DNAH12: variants seen among roughly 807,000 people sequenced by gnomAD.
DNAH12 encodes the protein axonemal beta dynein heavy chain 12.
In DNAH12, 285 loss-of-function variants were observed where a neutral mutation model predicts 371.5. The ratio of observed to expected loss-of-function variants is 0.77; its 90% CI spans 0.70 to 0.85. The LOEUF (loss-of-function observed/expected upper bound fraction) is 0.85. Ranked by LOEUF, DNAH12 falls within the 40% of genes least tolerant of loss-of-function variation. DNAH12 has a pLI of 0.00. For synonymous variants in DNAH12, 1,200 were observed against 1,213.0 expected (o/e 0.99, Z 0.22); for missense variants, 3,611 against 3,689.4 (o/e 0.98, Z 0.55).
chr3:57,461,982 C>T (rs1248781799), intron 18 of DNAH12, among the ~76,000 whole-genome samples: 1 of 152,122 alleles, frequency 6.6e-6, no homozygotes, highest in Non-Finnish European at 1.5e-5. Context: ...CTGAAGTGGC[C>T]TTTCTATGGC....
chr3:57,309,620 C>A, intron 68 of DNAH12, 46 bp downstream of exon 68: 3 of 1,383,200 alleles, frequency 2.2e-6, no homozygotes, highest in Non-Finnish European at 2.8e-6. Flanking sequence ...ATTTCAGTAT[C>A]ATTTTTATTT....
At chr3:57,392,431 A>T (rs1193248668) in intron 44 of DNAH12, among the ~76,000 whole-genome samples, 1 of 152,184 alleles carries the variant, frequency 6.6e-6, no homozygotes, top group Admixed American at 6.5e-5. Context: ...TTAGCATTTT[A>T]TACAACAGTT....
chr3:57,389,842 T>TATATATATATATATAAA (rs2063578029), intron 45 of DNAH12, among the ~76,000 whole-genome samples: 3 of 70,548 alleles, frequency 4.3e-5, no homozygotes, highest in Non-Finnish European at 1.1e-4. Context: ...ATATATATAA[T>TATATATATATATATAAA]ACTTTTTTTT....
At chr3:57,322,873 T>C in intron 64 of DNAH12, 134 bp downstream of exon 64, 1 of 1,289,190 alleles carries the variant, frequency 7.8e-7, no homozygotes, top group Non-Finnish European at 1.0e-6. Flanking sequence ...AAGTTTGCGG[T>C]GAGCCGAAAT....
Position 57,405,869 on chromosome 3 carries a change from G to T in DNAH12, c.6360C>A (p.Val2120=). Residue 2120 remains valine, a synonymous_variant, in exon 41 of 74, where the codon GTC becomes GTA. Coordinates refer to ENST00000495027, the MANE Select transcript of DNAH12 (RefSeq NM_001366028.2). ...TTTCAATGAGTAAACAGCCCCGGATGACGCGTGAAAAATCACGCAAGTTGA... is the reference window on the plus strand; with the variant it reads ...TTTCAATGAGTAAACAGCCCCGGATTACGCGTGAAAAATCACGCAAGTTGA... ...YTFNLRDFSR[V]IRGCLLIERD... 6.4e-7 allele frequency: 1 copy of T among 1,551,412 alleles called. No homozygotes were observed. Among genetic ancestry groups the T allele is most frequent in the Non-Finnish European group, 8.7e-7 (1 of 1,146,744 alleles).
At chr3:57,446,924 C>T (rs189326733) in intron 25 of DNAH12, among the ~76,000 whole-genome samples, 1 of 152,238 alleles carries the variant, frequency 6.6e-6, no homozygotes, top group Admixed American at 6.5e-5. Context: ...ATAGGTATCC[C>T]ATTTGTTTTT....
intron 62 of DNAH12, among the ~76,000 whole-genome samples, chr3:57,324,788 G>A (rs541188451): frequency 5.9e-5 from 9 of 152,366 alleles, no homozygotes; most frequent in African/African-American, 1.4e-4. Flanking sequence ...CTCGGGAAGC[G>A]CAAGGGGTCA....
In DNAH12 at chr3:57,327,065, C is replaced by T. The variant is rs542488058; in HGVS notation, c.9979-3446G>A. Reference sequence around the variant, plus strand: ...GAGCACCCAGATTCATAAAGCAAGTCCTGAGTGACCTACAAAGAGACTTAG... The same window carrying T: ...GAGCACCCAGATTCATAAAGCAAGTTCTGAGTGACCTACAAAGAGACTTAG... On this transcript the variant is annotated intron_variant, in intron 62 of 73. Coordinates refer to ENST00000495027, the MANE Select transcript of DNAH12 (RefSeq NM_001366028.2). Among the ~76,000 whole-genome samples, 194 of 151,316 alleles carry T rather than the reference C, an allele frequency of 1.3e-3. 1 individual carries two copies. The highest frequency in any genetic ancestry group is 4.6e-3 in the African/African-American group (189 of 41,374).
At chr3:57,302,567 A>ATATATATG (rs2061380979) in intron 69 of DNAH12, among the ~76,000 whole-genome samples, 1 of 27,480 alleles carries the variant, frequency 3.6e-5, no homozygotes, top group Non-Finnish European at 6.3e-5. Context: ...ATATATATGT[A>ATATATATG]TTTTTTTTTT....
chr3:57,397,445 T>C (rs2063768211), intron 43 of DNAH12, among the ~76,000 whole-genome samples: 1 of 152,256 alleles, frequency 6.6e-6, no homozygotes, highest in Middle Eastern at 3.4e-3. Flanking sequence ...GAAATATAGT[T>C]GAACTTGAGC....
intron 24 of DNAH12, 80 bp from the exon 25 acceptor site, chr3:57,453,095 C>T (rs1257658068): frequency 2.0e-6 from 3 of 1,465,808 alleles, no homozygotes; most frequent in Non-Finnish European, 1.8e-6. Flanking sequence ...TCTTTTATAA[C>T]AGCAAATACT....
intron 11 of DNAH12, among the ~76,000 whole-genome samples, chr3:57,499,079 A>C (rs1171037234): frequency 6.6e-6 from 1 of 152,158 alleles, no homozygotes; most frequent in African/African-American, 2.4e-5. Flanking sequence ...AATAAATCTC[A>C]AAAACTTTAT....
At position 57,437,108 on chromosome 3, in the gene DNAH12, G is replaced by A; in HGVS notation, c.4546-48C>T. The A allele has an allele frequency of 2.7e-6, 3 of 1,128,870 alleles. No homozygotes were observed. In the South Asian group the frequency reaches 5.0e-5, roughly 19 times the overall value. 69.9% of individuals were successfully genotyped at this position (1,128,870 alleles called of 1,614,324 possible). A position where few individuals can be genotyped will look rare whatever the true frequency, so the allele number is the denominator to read the frequency against. On this transcript the variant is annotated intron_variant, in intron 29 of 73. Transcript: ENST00000495027. ...ATTTCTACAACACAATATTATAAAT[G>A]TCATACCTGTCTTATAAGTGTAGAT...
chr3:57,332,420 A>G (rs1023394722), intron 62 of DNAH12, among the ~76,000 whole-genome samples: 2 of 152,252 alleles, frequency 1.3e-5, no homozygotes, highest in Admixed American at 6.5e-5. Context: ...TTTAAAAAAC[A>G]GGCACAATTA....
chr3:57,348,402 G>GA (rs2062595058), intron 60 of DNAH12, among the ~76,000 whole-genome samples: 1 of 152,118 alleles, frequency 6.6e-6, no homozygotes, highest in African/African-American at 2.4e-5. Context: ...TTAGAGCAGT[G>GA]AAACTACAAT....
intron 40 of DNAH12, among the ~76,000 whole-genome samples, chr3:57,406,362 AAAAAAAAAAG>A (rs1263202400): frequency 6.6e-6 from 1 of 151,662 alleles, no homozygotes; most frequent in Non-Finnish European, 1.5e-5. Flanking sequence ...GCCTCAAAAA[AAAAAAAAAAG>A]AAAAAAAAAG....
At chr3:57,420,964 T>A in intron 36 of DNAH12, among the ~76,000 whole-genome samples, 1 of 150,350 alleles carries the variant, frequency 6.7e-6, no homozygotes, top group East Asian at 2.0e-4. Context: ...TGTTACCACC[T>A]CTTTTTTCAC....
At chr3:57,473,702 C>T (rs969162476) in intron 13 of DNAH12, among the ~76,000 whole-genome samples, 2 of 80,420 alleles carry the variant, frequency 2.5e-5, no homozygotes, top group African/African-American at 8.6e-5. Flanking sequence ...TATATACATA[C>T]ATCTATATAT....
chr3:57,494,319 A>G (rs11130587), intron 11 of DNAH12, among the ~76,000 whole-genome samples: 101,723 of 151,994 alleles, frequency 0.67, 34,278 homozygotes, highest in South Asian at 0.75. Flanking sequence ...TTAGGAGGCC[A>G]AGGTGCATGG....
Sources: allele counts gnomAD v4.1 joint callset (sites outside exome capture counted in the v4.1 genomes callset), GRCh38; gene constraint gnomAD v4.1.1; transcripts MANE v1.5; gene names NCBI Gene and HGNC (gene_info 2026-07-23, HGNC 2026-07-21).